The following STAG1 variants were observed in gnomAD, a reference collection of about 807,000 sequenced individuals.
The protein encoded by STAG1 is cohesin subunit SA-1.
STAG1 carries 26 observed loss-of-function variants against 170.9 expected under a neutral mutation model. The ratio of observed to expected loss-of-function variants is 0.15; its 90% CI spans 0.11 to 0.21. The LOEUF (loss-of-function observed/expected upper bound fraction) is 0.21. Ranked by LOEUF, STAG1 falls within the 10% of genes least tolerant of loss-of-function variation. The pLI is 1.00. For synonymous variants in STAG1, 514 were observed against 497.7 expected (o/e 1.03, Z -0.44); for missense variants, 964 against 1,509.5 (o/e 0.64, Z 5.99).
At chr3:136,586,877 CTCTT>C in intron 4 of STAG1, 2 of 456,694 alleles carry the variant, frequency 4.4e-6, no homozygotes, top group Non-Finnish European at 8.8e-6. Flanking sequence ...GACACTGCTT[CTCTT>C]TCTCTCTCCC....
At chr3:136,736,831 T>C (rs1280992341) in intron 1 of STAG1, 2 of 1,585,510 alleles carry the variant, frequency 1.3e-6, no homozygotes, top group African/African-American at 1.3e-5. Context: ...CTTCCTTCTT[T>C]GTTTTTTTCG....
chr3:136,587,854 C>A (rs1937920475), intron 4 of STAG1, among the ~76,000 whole-genome samples: 1 of 152,074 alleles, frequency 6.6e-6, no homozygotes, highest in Non-Finnish European at 1.5e-5. Flanking sequence ...CCCTGCTCCT[C>A]GCAAGGCTGA....
rs188171662 is a variant in STAG1 at position 136,749,876 on chromosome 3, G to A, written c.-84+2319C>T. Among the ~76,000 whole-genome samples the A allele has an allele frequency of 8.6e-5, 13 of 151,076 alleles. No homozygotes were observed. In the East Asian group the frequency reaches 2.5e-3, roughly 29 times the overall value. On this transcript the variant is annotated intron_variant, in intron 1 of 33. Coordinates refer to ENST00000383202, the MANE Select transcript of STAG1 (RefSeq NM_005862.3). ...CTGACCTATGGAAGCTGAAATAATT[G>A]TTAATCTGTTAAGTGTGAAATTTGT...
At chr3:136,495,690 C>T (rs1216957523) in intron 9 of STAG1, among the ~76,000 whole-genome samples, 3 of 151,390 alleles carry the variant, frequency 2.0e-5, no homozygotes, top group South Asian at 2.1e-4. Flanking sequence ...AAATTAGGGC[C>T]GGGCACGGTG....
At chr3:136,657,025 C>G (rs1384222728) in intron 1 of STAG1, among the ~76,000 whole-genome samples, 1 of 148,776 alleles carries the variant, frequency 6.7e-6, no homozygotes. Context: ...AAAAAAGAAA[C>G]AATGTCCTAT....
At chr3:136,571,114 A>C (rs572846864) in intron 4 of STAG1, among the ~76,000 whole-genome samples, 135 of 152,316 alleles carry the variant, frequency 8.9e-4, no homozygotes, top group African/African-American at 3.2e-3. Flanking sequence ...CATAAAACTG[A>C]AGAAGTCACT....
In STAG1 at chr3:136,523,139, G is replaced by A. The variant is rs139483415; in HGVS notation, c.472-1722C>T. ...TCTAGTTCTAGATCCTTGAGGAATC[G>A]CCACACTGTCTTCCACAATGGTTGA... On this transcript the variant is annotated intron_variant, in intron 6 of 33. Coordinates refer to ENST00000383202, the MANE Select transcript of STAG1 (RefSeq NM_005862.3). Among the ~76,000 whole-genome samples, 1,410 of 152,184 alleles carry A rather than the reference G, an allele frequency of 9.3e-3. 14 individuals are homozygous for A. The highest frequency in any genetic ancestry group is 0.032 in the African/African-American group (1,344 of 41,532).
At chr3:136,679,937 T>G (rs1283355671) in intron 1 of STAG1, among the ~76,000 whole-genome samples, 2 of 151,800 alleles carry the variant, frequency 1.3e-5, no homozygotes, top group African/African-American at 2.4e-5. Context: ...TCAGGACATA[T>G]ATTCAAAGAT....
At chr3:136,421,069 T>C (rs201460307) in intron 20 of STAG1, 24 bp downstream of exon 20, 23 of 1,526,018 alleles carry the variant, frequency 1.5e-5, no homozygotes, top group Non-Finnish European at 2.0e-5. Flanking sequence ...CCTCGTTGCC[T>C]TTACTTTAAA....
intron 9 of STAG1, chr3:136,499,955 TATTA>T (rs894360445): frequency 1.5e-4 from 38 of 261,184 alleles, no homozygotes; most frequent in Non-Finnish European, 2.6e-4. Context: ...TTTATGATCC[TATTA>T]ATTAATATTC....
intron 1 of STAG1, among the ~76,000 whole-genome samples, chr3:136,685,102 G>A (rs1005881458): frequency 6.6e-6 from 1 of 152,148 alleles, no homozygotes; most frequent in African/African-American, 2.4e-5. Context: ...ATCACCTGAG[G>A]TGAGGAGTTC....
At position 136,712,896 on chromosome 3, in the gene STAG1, G is replaced by T. The variant is rs150212624; in HGVS notation, c.-84+39299C>A. 2.0e-3 allele frequency among the ~76,000 whole-genome samples: 302 copies of T among 152,238 alleles called. 1 individual carries two copies. Among genetic ancestry groups the T allele is most frequent in the Non-Finnish European group, 3.6e-3 (243 of 68,006 alleles). ...ACCTGAGGTCAGGAGTTTGAGACCA[G>T]CCTGGCCAACATGGCGAAACTTCAT... On this transcript the variant is annotated intron_variant, in intron 1 of 33. Coordinates refer to ENST00000383202, the MANE Select transcript of STAG1 (RefSeq NM_005862.3).
intron 2 of STAG1, among the ~76,000 whole-genome samples, chr3:136,626,269 T>A (rs1361747346): frequency 6.6e-6 from 1 of 151,206 alleles, no homozygotes; most frequent in Admixed American, 6.6e-5. Context: ...CTACTAAAAA[T>A]ACAAAAATTA....
rs1236270193 is a variant in STAG1, at chr3:136,343,870, A to C, written c.3408T>G (p.Pro1136=). ...SRPMGDQIQE[P]ESEHGSEPDF... is the part of the protein sequence containing the mutation. ...CTGGTTCAGAACCATGTTCAGACTC[A>C]GGTTCTTGAATCTGGTCTCCCATGG... The change falls in exon 30 of 34, where the codon CCT becomes CCG. Residue 1136 remains proline (P), a synonymous_variant. Transcript: ENST00000383202. 1 of 1,597,806 alleles carries C rather than the reference A, an allele frequency of 6.3e-7. No individual in the cohort carries two copies. The highest frequency in any genetic ancestry group is 1.7e-5 in the Admixed American group (1 of 57,206).
intron 14 of STAG1, among the ~76,000 whole-genome samples, chr3:136,450,494 T>C (rs1434018500): frequency 6.6e-6 from 1 of 152,210 alleles, no homozygotes; most frequent in Non-Finnish European, 1.5e-5. Context: ...TTTCTGCTGT[T>C]TTGCCCTAAC....
At chr3:136,508,236 A>C (rs752381664) in intron 7 of STAG1, among the ~76,000 whole-genome samples, 16 of 152,334 alleles carry the variant, frequency 1.1e-4, no homozygotes, top group Admixed American at 3.3e-4. Context: ...ATATTCCTTG[A>C]AGGAATTTTG....
intron 12 of STAG1, among the ~76,000 whole-genome samples, chr3:136,469,537 A>C (rs1174350569): frequency 6.6e-6 from 1 of 152,270 alleles, no homozygotes; most frequent in African/African-American, 2.4e-5. Flanking sequence ...AATAATCAAT[A>C]TCGTGAAAAT....
intron 5 of STAG1, among the ~76,000 whole-genome samples, chr3:136,562,467 A>C (rs1936885324): frequency 6.8e-6 from 1 of 146,886 alleles, no homozygotes. Context: ...CACCACATTG[A>C]CCAGGCTGGT....
At chr3:136,469,522 A>G (rs1484920253) in intron 12 of STAG1, among the ~76,000 whole-genome samples, 13 of 152,224 alleles carry the variant, frequency 8.5e-5, no homozygotes, top group African/African-American at 3.1e-4. Flanking sequence ...ATGCTCATGG[A>G]TAGGAATAAT....
Sources: gnomAD v4.1 joint callset for allele counts (sites outside exome capture counted in the v4.1 genomes callset) on GRCh38, gnomAD v4.1.1 for gene constraint, MANE v1.5 for transcripts, NCBI Gene and HGNC (gene_info 2026-07-23, HGNC 2026-07-21) for gene names.